The following DCDC1 variants were observed in gnomAD, a reference collection of about 807,000 sequenced individuals.
The protein encoded by DCDC1 is doublecortin domain-containing protein 1.
A neutral mutation model predicts 178.3 loss-of-function variants in DCDC1; 200 were observed. That is an observed-to-expected ratio of 1.12 (90% CI 1.00 to 1.26). The LOEUF (loss-of-function observed/expected upper bound fraction) is 1.26. Ranked by LOEUF, DCDC1 falls within the 50% of genes most tolerant of loss-of-function variation. The pLI, the probability that DCDC1 is intolerant of heterozygous loss-of-function variation, is 0.00. For synonymous variants in DCDC1, 690 were observed against 604.8 expected (o/e 1.14, Z -2.07); for missense variants, 1,983 against 1,749.2 (o/e 1.13, Z -2.38).
intron 11 of DCDC1, among the ~76,000 whole-genome samples, chr11:31,117,984 T>G (rs1177931152): frequency 6.6e-6 from 1 of 152,252 alleles, no homozygotes; most frequent in Admixed American, 6.5e-5. Context: ...TATGATGTAT[T>G]TTGTAAAAAG....
chr11:30,883,511 A>G, intron 36 of DCDC1: 1 of 457,462 alleles, frequency 2.2e-6, no homozygotes, highest in South Asian at 1.6e-5. Flanking sequence ...CAGATAAAGT[A>G]AGCTGACCTA....
chr11:31,211,252 A>G (rs890925778), intron 9 of DCDC1, among the ~76,000 whole-genome samples: 1 of 152,220 alleles, frequency 6.6e-6, no homozygotes, highest in Non-Finnish European at 1.5e-5. Context: ...ACAATATGTA[A>G]TAATTATGAT....
At chr11:30,943,069 A>C (rs1947767409) in intron 21 of DCDC1, 1 of 152,060 alleles carries the variant, frequency 6.6e-6, no homozygotes, top group Non-Finnish European at 1.5e-5. Context: ...CTCAGTTGGA[A>C]TTCTTATGTT....
intron 27 of DCDC1, among the ~76,000 whole-genome samples, chr11:30,914,298 C>T (rs1471015575): frequency 6.6e-6 from 1 of 152,258 alleles, no homozygotes; most frequent in Non-Finnish European, 1.5e-5. Flanking sequence ...AGGCTTTGCT[C>T]ATCTCAGTGA....
chr11:31,072,343 C>T (rs991769374), intron 18 of DCDC1, among the ~76,000 whole-genome samples: 7 of 152,094 alleles, frequency 4.6e-5, no homozygotes, highest in Non-Finnish European at 7.4e-5. Context: ...AGTATTATCG[C>T]ATTCTCTGAT....
At chr11:31,155,005 C>T (rs1190610478) in intron 9 of DCDC1, among the ~76,000 whole-genome samples, 1 of 152,178 alleles carries the variant, frequency 6.6e-6, no homozygotes. Context: ...AAACTTGTAA[C>T]TAATATATAA....
intron 17 of DCDC1, among the ~76,000 whole-genome samples, chr11:31,078,904 G>A (rs567904537): frequency 2.7e-5 from 4 of 150,764 alleles, no homozygotes; most frequent in African/African-American, 7.3e-5. Context: ...TGGTTAATAA[G>A]CCAAACTTTG....
intron 15 of DCDC1, among the ~76,000 whole-genome samples, chr11:31,101,604 C>G (rs1182024362): frequency 6.6e-6 from 1 of 152,086 alleles, no homozygotes. Context: ...GAAAATATGT[C>G]AAACAATACA....
intron 3 of DCDC1, among the ~76,000 whole-genome samples, chr11:31,326,921 A>C (rs906043553): frequency 6.6e-6 from 1 of 152,144 alleles, no homozygotes; most frequent in African/African-American, 2.4e-5. Context: ...AATGTATGAC[A>C]AATATCTTTT....
At chr11:31,091,063 C>T (rs1254755619) in intron 17 of DCDC1, among the ~76,000 whole-genome samples, 2 of 152,022 alleles carry the variant, frequency 1.3e-5, no homozygotes, top group South Asian at 2.1e-4. Context: ...TATGAATATA[C>T]ACAAAAATTT....
intron 9 of DCDC1, among the ~76,000 whole-genome samples, chr11:31,163,507 A>G (rs1313095749): frequency 6.6e-6 from 1 of 152,174 alleles, no homozygotes; most frequent in Non-Finnish European, 1.5e-5. Context: ...TATAATGTAT[A>G]TGGTTTAAAT....
At chr11:31,293,388 GGGA>G (rs971532280) in intron 6 of DCDC1, among the ~76,000 whole-genome samples, 2 of 152,136 alleles carry the variant, frequency 1.3e-5, no homozygotes, top group Non-Finnish European at 1.5e-5. Flanking sequence ...TAAGGCCAGA[GGGA>G]GGAGATGTTA....
At chr11:30,873,698 A>G (rs10835717) in intron 38 of DCDC1, among the ~76,000 whole-genome samples, 71,889 of 151,964 alleles carry the variant, frequency 0.47, 18,390 homozygotes, top group Middle Eastern at 0.59. Context: ...TTCACAGGAG[A>G]AAGAGCAATG....
intron 9 of DCDC1, among the ~76,000 whole-genome samples, chr11:31,142,681 A>G (rs961263508): frequency 2.6e-5 from 4 of 152,178 alleles, no homozygotes; most frequent in Non-Finnish European, 5.9e-5. Flanking sequence ...AATGTTTTTT[A>G]AATTCCTAAA....
intron 7 of DCDC1, chr11:31,280,853 A>G: frequency 1.6e-6 from 1 of 629,502 alleles, no homozygotes; most frequent in Admixed American, 1.8e-5. Flanking sequence ...AGTGAATACA[A>G]TGGCCTGACC....
chr11:31,202,169 C>G (rs1041717783), intron 9 of DCDC1, among the ~76,000 whole-genome samples: 1 of 152,208 alleles, frequency 6.6e-6, no homozygotes, highest in African/African-American at 2.4e-5. Flanking sequence ...CCCTGCACCA[C>G]AGGTCTCCAC....
chr11:30,941,221 T>C (rs1309084755), intron 21 of DCDC1, among the ~76,000 whole-genome samples: 7 of 152,190 alleles, frequency 4.6e-5, no homozygotes, highest in Non-Finnish European at 1.0e-4. Context: ...TGCTTATTCC[T>C]GTTTCTACCT....
At chr11:31,119,494 C>G (rs371914625) in intron 11 of DCDC1, among the ~76,000 whole-genome samples, 1 of 151,962 alleles carries the variant, frequency 6.6e-6, no homozygotes, top group African/African-American at 2.4e-5. Flanking sequence ...AAGAACGACA[C>G]GGATCAAGGA....
intron 8 of DCDC1, among the ~76,000 whole-genome samples, chr11:31,253,507 T>TA (rs1389841725): frequency 6.6e-6 from 1 of 151,986 alleles, no homozygotes; most frequent in African/African-American, 2.4e-5. Context: ...ATAAGAATGA[T>TA]ACACAAAACA....
Sources: allele counts gnomAD v4.1 joint callset (sites outside exome capture counted in the v4.1 genomes callset), GRCh38; gene constraint gnomAD v4.1.1; transcripts MANE v1.5; gene names NCBI Gene and HGNC (gene_info 2026-07-23, HGNC 2026-07-21).